DCDC1: variants seen among roughly 807,000 people sequenced by gnomAD.
The protein encoded by DCDC1 is doublecortin domain-containing protein 1.
DCDC1 carries 200 observed loss-of-function variants against 178.3 expected under a neutral mutation model. The observed-to-expected ratio is 1.12, with a 90% confidence interval of 1.00 to 1.26. The LOEUF is 1.26. Among genes scored for constraint, DCDC1 ranks in the 50% most tolerant of loss-of-function variants. The pLI is 0.00. For missense variants in DCDC1, 1,983 were observed against 1,749.2 expected, an observed-to-expected ratio of 1.13 and a Z score of -2.38; for synonymous variants, 690 against 604.8, an observed-to-expected ratio of 1.14 and a Z score of -2.07.
intron 36 of DCDC1, among the ~76,000 whole-genome samples, chr11:30,888,371 G>A (rs1051146619): frequency 6.6e-6 from 1 of 152,166 alleles, no homozygotes; most frequent in Non-Finnish European, 1.5e-5. Flanking sequence ...GAAAAAAATA[G>A]ACGTTTTCAG....
chr11:31,103,013 G>A (rs1005836447), intron 14 of DCDC1, among the ~76,000 whole-genome samples: 2 of 152,136 alleles, frequency 1.3e-5, no homozygotes, highest in Admixed American at 1.3e-4. Flanking sequence ...GAGTAATATG[G>A]AATAATAGGA....
At chr11:31,059,259 T>G (rs1254830591) in intron 20 of DCDC1, among the ~76,000 whole-genome samples, 4 of 152,158 alleles carry the variant, frequency 2.6e-5, no homozygotes, top group Non-Finnish European at 5.9e-5. Context: ...AATTACATTA[T>G]TTGTTCACTT....
At chr11:31,213,294 A>T (rs1340331334) in intron 9 of DCDC1, among the ~76,000 whole-genome samples, 3 of 151,528 alleles carry the variant, frequency 2.0e-5, no homozygotes, top group Admixed American at 2.0e-4. Context: ...TGATCTTTTC[A>T]AATTTAGCCT....
rs74622055 is a variant in DCDC1, at chr11:31,117,210, G to A, written c.1486-6849C>T. On this transcript the variant is annotated intron_variant, in intron 11 of 38. Transcript: ENST00000684477. Reference sequence around the variant, plus strand: ...AATCGCAGCTTTCTGGTACCCCTCAGAGGCCTAGGGTAGGCTGGGATTAGG... The same window carrying A: ...AATCGCAGCTTTCTGGTACCCCTCAAAGGCCTAGGGTAGGCTGGGATTAGG... 4.3e-3 allele frequency among the ~76,000 whole-genome samples: 650 copies of A among 152,212 alleles called. 2 individuals are homozygous for A. The highest frequency in any genetic ancestry group is 6.8e-3 in the Middle Eastern group (2 of 294).
At chr11:31,348,483 G>C (rs1248376204) in intron 1 of DCDC1, among the ~76,000 whole-genome samples, 1 of 152,124 alleles carries the variant, frequency 6.6e-6, no homozygotes, top group Non-Finnish European at 1.5e-5. Flanking sequence ...CTAAACAAGA[G>C]GTTGTATCTG....
At chr11:30,901,786 G>A (rs531874039) in intron 32 of DCDC1, among the ~76,000 whole-genome samples, 1 of 152,248 alleles carries the variant, frequency 6.6e-6, no homozygotes, top group Admixed American at 6.5e-5. Flanking sequence ...AATAAAGGCA[G>A]AAATATATGC....
chr11:31,257,796 T>C (rs2137042905), intron 8 of DCDC1, among the ~76,000 whole-genome samples: 1 of 152,128 alleles, frequency 6.6e-6, no homozygotes, highest in African/African-American at 2.4e-5. Flanking sequence ...TCAAGTCTAA[T>C]TTCTCTTAAA....
Position 31,178,699 on chromosome 11 carries a change from C to CT in DCDC1, c.1222-40916dup, listed in dbSNP as rs1009781452. On this transcript the variant is annotated intron_variant, in intron 9 of 38. Transcript: ENST00000684477. ...TAAAAAACAAAATAACGCAATTTTTCTTTTTTTTCCTGAGACGGAGTCTTG... is the reference window on the plus strand; with the variant it reads ...TAAAAAACAAAATAACGCAATTTTTCTTTTTTTTTCCTGAGACGGAGTCTTG... Among the ~76,000 whole-genome samples the CT allele has an allele frequency of 3.3e-5, 5 of 151,874 alleles. No individual in the cohort carries two copies. The East Asian group carries it at 7.7e-4, about 23-fold the overall frequency.
At chr11:31,264,628 G>A (rs1011923770) in intron 8 of DCDC1, among the ~76,000 whole-genome samples, 7 of 152,176 alleles carry the variant, frequency 4.6e-5, no homozygotes, top group African/African-American at 1.7e-4. Context: ...AACTAAATAA[G>A]TTAATGTTTG....
intron 7 of DCDC1, among the ~76,000 whole-genome samples, chr11:31,277,515 T>C (rs1946080740): frequency 6.6e-6 from 1 of 152,156 alleles, no homozygotes. Flanking sequence ...GCCAAGTGGC[T>C]GCGTCATTTT....
chr11:31,073,180 T>C (rs574529226), intron 18 of DCDC1, among the ~76,000 whole-genome samples: 1 of 152,186 alleles, frequency 6.6e-6, no homozygotes, highest in African/African-American at 2.4e-5. Context: ...AGAGTAGCTA[T>C]TGTAAAAATA....
rs537786182 is a variant in DCDC1, at chr11:31,114,986, G to A, written c.1486-4625C>T. On this transcript the variant is annotated intron_variant, in intron 11 of 38. Transcript: ENST00000684477. ...TGCTTCTTTGTTTATTAGCAGGACT[G>A]GAAAATAAAATTTGTAGGTAGGTTA... 2.6e-5 allele frequency among the ~76,000 whole-genome samples: 4 copies of A among 152,186 alleles called. No homozygotes were observed. In the East Asian group the frequency reaches 7.7e-4, roughly 29 times the overall value.
At chr11:30,955,826 T>C (rs1948743339) in intron 20 of DCDC1, among the ~76,000 whole-genome samples, 1 of 152,188 alleles carries the variant, frequency 6.6e-6, no homozygotes, top group Admixed American at 6.5e-5. Context: ...TCTCCTTCTC[T>C]GTATTAACTT....
At chr11:31,174,864 C>G (rs1967779677) in intron 9 of DCDC1, among the ~76,000 whole-genome samples, 1 of 152,162 alleles carries the variant, frequency 6.6e-6, no homozygotes, top group Non-Finnish European at 1.5e-5. Context: ...CTAAGCTGTT[C>G]TGTTGGCCAA....
At chr11:31,064,989 TC>T in intron 19 of DCDC1, 29 bp downstream of exon 19, 1 of 713,790 alleles carries the variant, frequency 1.4e-6, no homozygotes, top group Non-Finnish European at 2.5e-6. Flanking sequence ...GAGAGCTATT[TC>T]TGTCTTGCCT....
At chr11:31,233,108 T>C (rs79756057) in intron 9 of DCDC1, among the ~76,000 whole-genome samples, 2,643 of 151,870 alleles carry the variant, frequency 0.017, 34 homozygotes, top group South Asian at 0.044. Context: ...AAAAGAGTCT[T>C]ATATACCTTA....
At position 31,116,874 on chromosome 11, in the gene DCDC1, AT is replaced by A. The variant is rs895246583; in HGVS notation, c.1486-6514del. The stretch of plus-strand genomic sequence containing the variant: ...TAAATGGTAACTGGACCAACAATCA[AT>A]TTTTTTTTAAGCCCAGAAAAGGCAT... On this transcript the variant is annotated intron_variant, in intron 11 of 38. Coordinates refer to ENST00000684477, the MANE Select transcript of DCDC1 (RefSeq NM_001387274.1). Among the ~76,000 whole-genome samples the A allele has an allele frequency of 4.9e-4, 74 of 151,556 alleles. No homozygotes were observed. In the South Asian group the frequency reaches 0.013, roughly 27 times the overall value.
intron 1 of DCDC1, among the ~76,000 whole-genome samples, chr11:31,357,651 A>C (rs372593629): frequency 1.5e-4 from 23 of 152,130 alleles, no homozygotes; most frequent in South Asian, 6.2e-4. Context: ...TCAAATTGTC[A>C]CTGTTTGCAG....
At chr11:30,865,922 T>A (rs1940940562) in intron 38 of DCDC1, among the ~76,000 whole-genome samples, 1 of 152,174 alleles carries the variant, frequency 6.6e-6, no homozygotes, top group African/African-American at 2.4e-5. Flanking sequence ...GGATTTTTGT[T>A]ACTGATTATT....
Sources: gnomAD v4.1 joint callset for allele counts (sites outside exome capture counted in the v4.1 genomes callset) on GRCh38, gnomAD v4.1.1 for gene constraint, MANE v1.5 for transcripts, NCBI Gene and HGNC (gene_info 2026-07-23, HGNC 2026-07-21) for gene names.